Variants in PRSS23 observed in about 807,000 individuals in gnomAD.
PRSS23 encodes serine protease 23.
A neutral mutation model predicts 34.7 loss-of-function variants in PRSS23; 25 were observed. That is an observed-to-expected ratio of 0.72 (90% CI 0.53 to 1.01). PRSS23 has a LOEUF of 1.01. Among genes scored for constraint, PRSS23 ranks in the 50% least tolerant of loss-of-function variants. The pLI is 0.00. For missense variants in PRSS23, 445 were observed against 475.6 expected, an observed-to-expected ratio of 0.94 and a Z score of 0.60; for synonymous variants, 176 against 186.6, an observed-to-expected ratio of 0.94 and a Z score of 0.46.
At chr11:86,806,611 TCTC>T (rs1377637171) in intron 1 of PRSS23, among the ~76,000 whole-genome samples, 3 of 152,172 alleles carry the variant, frequency 2.0e-5, no homozygotes, top group Non-Finnish European at 2.9e-5. Context: ...AAGCATCACT[TCTC>T]CTAGAAGGCC....
rs561682096 is a variant in PRSS23 at position 86,853,242 on chromosome 11, C to CTTTTTTTTTT, written c.206+29672_206+29681dup. ...TGCAGCCTGTGTCACAAGTGCCTGC[C>CTTTTTTTTTT]TTTTTTTTTTTTTTTTTTTTTTTTT... On this transcript the variant is annotated intron_variant, in intron 2 of 2. Transcript: ENST00000533902. Among the ~76,000 whole-genome samples the CTTTTTTTTTT allele has an allele frequency of 8.4e-5, 4 of 47,792 alleles. 1 individual carries two copies. The highest frequency in any genetic ancestry group is 3.5e-4 in the African/African-American group (4 of 11,350). 31.4% of individuals were successfully genotyped at this position (47,792 alleles called of 152,430 possible).
chr11:86,835,636 C>A (rs12797823), intron 2 of PRSS23, among the ~76,000 whole-genome samples: 3 of 152,120 alleles, frequency 2.0e-5, no homozygotes, highest in African/African-American at 7.2e-5. Context: ...GCCAAGGAAC[C>A]CTCTTAGTTG....
chr11:86,950,744 A>G (rs949474311), intron 2 of PRSS23: 5 of 269,716 alleles, frequency 1.9e-5, no homozygotes, highest in Non-Finnish European at 3.6e-5. Context: ...AAAATGGTAA[A>G]GGGTTAAAAA....
rs369996313 is a variant in PRSS23 at position 86,808,039 on chromosome 11, C to T, written c.396C>T (p.Gly132=). ...CTCGAAGGAAGCGGCAGATTTATGG[C>T]TATGACAGCAGGTTCAGCATTTTTG... ...GKSRRKRQIY[G]YDSRFSIFGK... Residue 132 remains glycine (G), a synonymous_variant, in exon 2 of 2, where the codon GGC becomes GGT. Coordinates refer to ENST00000280258, the MANE Select transcript of PRSS23 (RefSeq NM_007173.6). 6.2e-7 allele frequency: 1 copy of T among 1,614,048 alleles called. No homozygotes were observed. Among genetic ancestry groups the T allele is most frequent in the Non-Finnish European group, 8.5e-7 (1 of 1,180,016 alleles).
intron 2 of PRSS23, chr11:86,832,559 CT>C: frequency 2.2e-6 from 1 of 454,168 alleles, no homozygotes; most frequent in South Asian, 1.7e-5. Context: ...CCACAGGACC[CT>C]TTTGATGTCC....
At chr11:86,879,231 C>T (rs1200294202) in intron 2 of PRSS23, among the ~76,000 whole-genome samples, 7 of 148,156 alleles carry the variant, frequency 4.7e-5, no homozygotes, top group Non-Finnish European at 3.0e-5. Flanking sequence ...GCCTCTGCCC[C>T]GCCGCCCCGT....
chr11:86,822,654 C>T (rs1340142976), intron 1 of PRSS23, among the ~76,000 whole-genome samples: 2 of 149,826 alleles, frequency 1.3e-5, no homozygotes, highest in Non-Finnish European at 3.0e-5. Flanking sequence ...AGAACTAGGA[C>T]CAGTGGATGA....
At chr11:86,831,390 A>G (rs954875575) in intron 2 of PRSS23, among the ~76,000 whole-genome samples, 2 of 151,382 alleles carry the variant, frequency 1.3e-5, no homozygotes, top group African/African-American at 2.4e-5. Context: ...ACCCTGTGAT[A>G]TTTTTTGTAA....
At chr11:86,873,638 C>T (rs923386964) in intron 2 of PRSS23, among the ~76,000 whole-genome samples, 1 of 152,156 alleles carries the variant, frequency 6.6e-6, no homozygotes, top group Non-Finnish European at 1.5e-5. Context: ...AGATGGGCAT[C>T]TAACCCATGC....
At chr11:86,929,279 G>C (rs10898556) in intron 2 of PRSS23, among the ~76,000 whole-genome samples, 26,776 of 148,912 alleles carry the variant, frequency 0.18, 2,523 homozygotes, top group East Asian at 0.32. Flanking sequence ...CCAAGATCGC[G>C]CCATTGTACT....
chr11:86,876,961 A>G (rs892053642), intron 2 of PRSS23, among the ~76,000 whole-genome samples: 7 of 152,194 alleles, frequency 4.6e-5, no homozygotes, highest in African/African-American at 1.7e-4. Context: ...CCATCATAAG[A>G]AAGAGTTGTA....
At chr11:86,832,360 T>C (rs1376148264) in intron 2 of PRSS23, among the ~76,000 whole-genome samples, 3 of 152,236 alleles carry the variant, frequency 2.0e-5, no homozygotes, top group East Asian at 3.9e-4. Context: ...ACAGTGGGTG[T>C]ACTCCATGTG....
intron 2 of PRSS23, chr11:86,950,887 T>C: frequency 1.8e-6 from 1 of 558,484 alleles, no homozygotes; most frequent in Non-Finnish European, 3.2e-6. Flanking sequence ...GCTAAAGTGA[T>C]CAACGTTTTG....
At chr11:86,830,652 C>T (rs548362936) in intron 2 of PRSS23, among the ~76,000 whole-genome samples, 1 of 152,208 alleles carries the variant, frequency 6.6e-6, no homozygotes, top group African/African-American at 2.4e-5. Flanking sequence ...CTGTAATATC[C>T]TATAGAAGTG....
At chr11:86,857,895 C>T (rs1948583669) in intron 2 of PRSS23, 1 of 496,870 alleles carries the variant, frequency 2.0e-6, no homozygotes, top group South Asian at 1.6e-5. Flanking sequence ...ACAGGTTCCT[C>T]AGCATCGTGA....
intron 2 of PRSS23, among the ~76,000 whole-genome samples, chr11:86,847,887 C>A (rs1345871913): frequency 1.3e-5 from 2 of 152,146 alleles, no homozygotes. Context: ...CTGTGCCAAG[C>A]CTGCGAGCTT....
Position 86,826,919 on chromosome 11 carries a change from A to G in PRSS23, c.206+3326A>G, listed in dbSNP as rs548385709. On this transcript the variant is annotated intron_variant, in intron 2 of 2. Coordinates refer to the PRSS23 transcript ENST00000533902. The stretch of plus-strand genomic sequence containing the variant: ...CCAGTATTTTATTGAGGATTTTTGC[A>G]TCGATGTTCATCAAGGATATTGGTC... Among the ~76,000 whole-genome samples the G allele has an allele frequency of 2.6e-4, 39 of 152,288 alleles. 1 individual carries two copies. The South Asian group carries it at 5.2e-3, about 20-fold the overall frequency.
intron 2 of PRSS23, among the ~76,000 whole-genome samples, chr11:86,915,152 G>C (rs1949003857): frequency 6.6e-6 from 1 of 152,154 alleles, no homozygotes; most frequent in Non-Finnish European, 1.5e-5. Flanking sequence ...TTTACTAAGA[G>C]GCCAGGGGAT....
chr11:86,925,318 G>GTGTGTGTC (rs1949074068), intron 2 of PRSS23, among the ~76,000 whole-genome samples: 1 of 151,244 alleles, frequency 6.6e-6, no homozygotes, highest in Non-Finnish European at 1.5e-5. Context: ...GTGTGTGTGT[G>GTGTGTGTC]TGTGTGTGTG....
Sources: gnomAD v4.1 joint callset for allele counts (sites outside exome capture counted in the v4.1 genomes callset) on GRCh38, gnomAD v4.1.1 for gene constraint, MANE v1.5 for transcripts, NCBI Gene and HGNC (gene_info 2026-07-23, HGNC 2026-07-21) for gene names.